SLC41A2: variants seen among roughly 807,000 people sequenced by gnomAD.
SLC41A2 encodes the protein SLC41A1-like 1.
Under a neutral mutation model 58.3 loss-of-function variants are expected in SLC41A2, and 32 were observed. The observed-to-expected ratio is 0.55, with a 90% CI of 0.41 to 0.74. The LOEUF is 0.74. Ranked by LOEUF, SLC41A2 falls within the 30% of genes least tolerant of loss-of-function variation. The pLI, the probability that SLC41A2 is intolerant of heterozygous loss-of-function variation, is 0.00. For missense variants in SLC41A2, 514 were observed against 680.6 expected (o/e 0.76, Z 2.72); for synonymous variants, 190 against 235.0 (o/e 0.81, Z 1.75).
chr12:104,896,989 G>A (rs1402392500), intron 3 of SLC41A2, among the ~76,000 whole-genome samples: 3 of 152,004 alleles, frequency 2.0e-5, no homozygotes, highest in Non-Finnish European at 1.5e-5. Flanking sequence ...CAGGGCTTCA[G>A]GTGGCTTCAC....
intron 2 of SLC41A2, among the ~76,000 whole-genome samples, chr12:104,924,572 C>T (rs1677850798): frequency 6.6e-6 from 1 of 151,894 alleles, no homozygotes; most frequent in South Asian, 2.1e-4. Context: ...TGGAGAAACC[C>T]CATCTCTATT....
chr12:104,853,675 C>CTTTA (rs2042884627), intron 8 of SLC41A2, among the ~76,000 whole-genome samples: 1 of 151,870 alleles, frequency 6.6e-6, no homozygotes, highest in South Asian at 2.1e-4. Flanking sequence ...TTTCTACTTC[C>CTTTA]TTTACCATAG....
intron 6 of SLC41A2, among the ~76,000 whole-genome samples, chr12:104,878,883 G>A (rs1370628349): frequency 2.6e-5 from 4 of 152,224 alleles, no homozygotes; most frequent in East Asian, 3.9e-4. Context: ...TTGAGGAATC[G>A]CCACACTGTC....
chr12:104,898,319 G>A (rs1448302852), intron 3 of SLC41A2, among the ~76,000 whole-genome samples: 3 of 151,842 alleles, frequency 2.0e-5, no homozygotes, highest in Non-Finnish European at 4.4e-5. Context: ...ATAAACAGAC[G>A]TTACTTATCT....
intron 10 of SLC41A2, among the ~76,000 whole-genome samples, chr12:104,833,355 A>G (rs907476726): frequency 6.6e-6 from 1 of 152,236 alleles, no homozygotes; most frequent in Non-Finnish European, 1.5e-5. Flanking sequence ...GTCATACCCA[A>G]GTAATCATAC....
chr12:104,930,651 A>G (rs1357846458), intron 1 of SLC41A2, among the ~76,000 whole-genome samples: 1 of 152,240 alleles, frequency 6.6e-6, no homozygotes, highest in African/African-American at 2.4e-5. Flanking sequence ...ATGCAGAGAA[A>G]TGTAGGTAAA....
chr12:104,924,224 C>T (rs544078861), intron 2 of SLC41A2, among the ~76,000 whole-genome samples: 12 of 152,284 alleles, frequency 7.9e-5, no homozygotes, highest in African/African-American at 2.9e-4. Context: ...AGGTACCACT[C>T]CACATGTGCC....
chr12:104,885,554 G>A (rs558362399), intron 6 of SLC41A2, among the ~76,000 whole-genome samples: 37 of 152,058 alleles, frequency 2.4e-4, no homozygotes, highest in African/African-American at 8.9e-4. Flanking sequence ...TTTTTTTCTT[G>A]TATTACTGTA....
intron 7 of SLC41A2, among the ~76,000 whole-genome samples, chr12:104,862,521 A>G (rs903557390): frequency 3.9e-5 from 6 of 152,214 alleles, no homozygotes; most frequent in Non-Finnish European, 1.5e-5. Context: ...TGTTAAGCCC[A>G]GTGATAAAAG....
rs551403350 is a variant in SLC41A2, at chr12:104,916,471, T to C, written c.556-6709A>G. On this transcript the variant is annotated intron_variant, in intron 2 of 10. Coordinates refer to ENST00000258538, the MANE Select transcript of SLC41A2 (RefSeq NM_001352171.3). Reference sequence around the variant, plus strand: ...CTTTCTTCACAGAATTGGAAAAAACTACTTTAAAGTTCATATGGAACCAAA... The same window carrying C: ...CTTTCTTCACAGAATTGGAAAAAACCACTTTAAAGTTCATATGGAACCAAA... Among the ~76,000 whole-genome samples the C allele has an allele frequency of 9.2e-5, 14 of 152,194 alleles. No individual in the cohort carries two copies. The South Asian group carries it at 2.9e-3, about 32-fold the overall frequency.
intron 1 of SLC41A2, among the ~76,000 whole-genome samples, chr12:104,935,254 C>T (rs887446103): frequency 2.0e-5 from 3 of 152,086 alleles, no homozygotes; most frequent in Non-Finnish European, 4.4e-5. Flanking sequence ...CCACCACGCC[C>T]GGCCTGGAAG....
chr12:104,869,804 A>G (rs1347030754), intron 6 of SLC41A2, among the ~76,000 whole-genome samples: 2 of 152,216 alleles, frequency 1.3e-5, no homozygotes, highest in Non-Finnish European at 2.9e-5. Flanking sequence ...CTGGTGTTTT[A>G]TAGATGTCAT....
chr12:104,876,312 T>C (rs191012687), intron 6 of SLC41A2, among the ~76,000 whole-genome samples: 1 of 152,270 alleles, frequency 6.6e-6, no homozygotes, highest in East Asian at 1.9e-4. Context: ...GTTTACTTTA[T>C]TCTTTTTTTC....
At position 104,844,639 on chromosome 12, in the gene SLC41A2, A is replaced by C. The variant is rs757775843; in HGVS notation, c.1388-19T>G. The C allele has an allele frequency of 1.4e-6, 2 of 1,388,494 alleles. No individual in the cohort carries two copies. The highest frequency in any genetic ancestry group is 3.5e-5 in the South Asian group (2 of 56,478). 86.0% of individuals were successfully genotyped at this position (1,388,494 alleles called of 1,614,324 possible). A position where few individuals can be genotyped will look rare whatever the true frequency, so the allele number is the denominator to read the frequency against. On this transcript the variant is annotated intron_variant, in intron 9 of 10. Coordinates refer to ENST00000258538, the MANE Select transcript of SLC41A2 (RefSeq NM_001352171.3). The stretch of plus-strand genomic sequence containing the variant: ...TTTACTCCTGTAATATAAAATGTAA[A>C]AGTAATTAAAACAAAATTATATTTT...
In SLC41A2 at chr12:104,844,592, T is replaced by C. The variant is rs543216802; in HGVS notation, c.1416A>G (p.Leu472=). The change falls in exon 10 of 11, where the codon CTA becomes CTG. Residue 472 remains leucine (L), a synonymous_variant. Coordinates refer to ENST00000258538, the MANE Select transcript of SLC41A2 (RefSeq NM_001352171.3). ...AATGTCCAGGAATCACTAAAAGCAG[T>C]AGAACTTGAGCAGACTTATTATTTA... The part of the protein sequence containing the change: ...PGVNNKSAQV[L]LLLVIPGHLI... The C allele has an allele frequency of 3.2e-6, 5 of 1,555,270 alleles. No individual in the cohort carries two copies. Among genetic ancestry groups the C allele is most frequent in the African/African-American group, 1.4e-5 (1 of 72,732 alleles).
intron 6 of SLC41A2, among the ~76,000 whole-genome samples, chr12:104,877,570 C>T (rs1205609769): frequency 6.6e-6 from 1 of 152,050 alleles, no homozygotes; most frequent in East Asian, 1.9e-4. Flanking sequence ...TTCCATTTTA[C>T]TTTTTTTATT....
intron 6 of SLC41A2, among the ~76,000 whole-genome samples, chr12:104,877,051 C>G (rs2044082053): frequency 6.6e-6 from 1 of 152,132 alleles, no homozygotes; most frequent in South Asian, 2.1e-4. Flanking sequence ...GTTCTTTGAG[C>G]ACTATATAAT....
intron 1 of SLC41A2, among the ~76,000 whole-genome samples, chr12:104,938,531 A>G (rs969176328): frequency 6.6e-6 from 1 of 152,228 alleles, no homozygotes; most frequent in African/African-American, 2.4e-5. Flanking sequence ...CAGCAGCAAC[A>G]CTTACAAACA....
chr12:104,930,851 T>C (rs988757831), intron 1 of SLC41A2, among the ~76,000 whole-genome samples: 3 of 152,260 alleles, frequency 2.0e-5, no homozygotes, highest in African/African-American at 4.8e-5. Context: ...TCGCAGAATA[T>C]GTGCAGAACG....
Sources: allele counts gnomAD v4.1 joint callset (sites outside exome capture counted in the v4.1 genomes callset), GRCh38; gene constraint gnomAD v4.1.1; transcripts MANE v1.5; gene names NCBI Gene and HGNC (gene_info 2026-07-23, HGNC 2026-07-21).